Variants in SUPT3H observed in about 807,000 individuals in gnomAD.
SUPT3H encodes the protein transcription initiation protein SPT3 homolog.
In SUPT3H, 44 loss-of-function variants were observed where a neutral mutation model predicts 44.3. That is an observed-to-expected ratio of 0.99 (90% confidence interval 0.78 to 1.28). SUPT3H has a LOEUF of 1.28. Ranked by LOEUF, SUPT3H falls within the 50% of genes most tolerant of loss-of-function variation. The pLI, the probability that SUPT3H is intolerant of heterozygous loss-of-function variation, is 0.00. For missense variants in SUPT3H, 380 were observed against 387.1 expected, an observed-to-expected ratio of 0.98 and a Z score of 0.15; for synonymous variants, 124 against 125.6, an observed-to-expected ratio of 0.99 and a Z score of 0.09.
At chr6:45,363,215 G>A (rs1794570872) in intron 2 of SUPT3H, among the ~76,000 whole-genome samples, 1 of 151,982 alleles carries the variant, frequency 6.6e-6, no homozygotes, top group South Asian at 2.1e-4. Context: ...AATAAGCCTG[G>A]GTATGGTACA....
intron 2 of SUPT3H, among the ~76,000 whole-genome samples, chr6:45,358,476 C>G (rs1160517387): frequency 6.6e-6 from 1 of 152,094 alleles, no homozygotes; most frequent in Non-Finnish European, 1.5e-5. Context: ...AAATTCTTCC[C>G]ATTAAATTGC....
At chr6:45,013,094 T>C (rs1783735518) in intron 5 of SUPT3H, among the ~76,000 whole-genome samples, 1 of 152,238 alleles carries the variant, frequency 6.6e-6, no homozygotes, top group South Asian at 2.1e-4. Context: ...TTTCTGATAA[T>C]ACCCTTGGGC....
chr6:45,317,347 C>T (rs1410662130), intron 2 of SUPT3H, among the ~76,000 whole-genome samples: 3 of 150,468 alleles, frequency 2.0e-5, no homozygotes, highest in Non-Finnish European at 4.4e-5. Context: ...GAAAAAAAAT[C>T]CTAAAATTCA....
At chr6:44,815,582 A>C (rs1766857264) in intron 11 of SUPT3H, among the ~76,000 whole-genome samples, 1 of 152,160 alleles carries the variant, frequency 6.6e-6, no homozygotes, top group African/African-American at 2.4e-5. Context: ...AGGGGTAAAA[A>C]GGAAAATTAA....
intron 2 of SUPT3H, among the ~76,000 whole-genome samples, chr6:45,145,579 T>C (rs1403819948): frequency 6.6e-6 from 1 of 151,938 alleles, no homozygotes; most frequent in Non-Finnish European, 1.5e-5. Flanking sequence ...AAAATAACAT[T>C]AGACAAAGTC....
intron 2 of SUPT3H, among the ~76,000 whole-genome samples, chr6:45,240,943 C>A (rs900204708): frequency 3.9e-5 from 6 of 152,256 alleles, no homozygotes; most frequent in Admixed American, 2.6e-4. Flanking sequence ...TAAAGCATCC[C>A]AGGCACACCT....
At chr6:45,204,072 C>A (rs1262443945) in intron 2 of SUPT3H, among the ~76,000 whole-genome samples, 1 of 152,016 alleles carries the variant, frequency 6.6e-6, no homozygotes, top group Non-Finnish European at 1.5e-5. Flanking sequence ...CATTGTGAAA[C>A]CCCATCTCTA....
intron 2 of SUPT3H, among the ~76,000 whole-genome samples, chr6:45,119,791 T>C (rs1026516745): frequency 2.6e-5 from 4 of 152,170 alleles, no homozygotes; most frequent in Non-Finnish European, 4.4e-5. Flanking sequence ...AAACTTGGTA[T>C]GCATTTGGGG....
chr6:45,065,696 A>C (rs1319094622), intron 3 of SUPT3H, among the ~76,000 whole-genome samples: 1 of 151,236 alleles, frequency 6.6e-6, no homozygotes, highest in East Asian at 1.9e-4. Flanking sequence ...ACGCAAATAA[A>C]CTAGAAAATC....
intron 2 of SUPT3H, among the ~76,000 whole-genome samples, chr6:45,215,722 C>T (rs1348087983): frequency 6.6e-6 from 1 of 151,998 alleles, no homozygotes; most frequent in African/African-American, 2.4e-5. Flanking sequence ...AGCCACATTA[C>T]AGAAGTCCCA....
At chr6:45,183,964 AAG>A (rs946780057) in intron 2 of SUPT3H, among the ~76,000 whole-genome samples, 1 of 152,208 alleles carries the variant, frequency 6.6e-6, no homozygotes, top group African/African-American at 2.4e-5. Flanking sequence ...GGTAGACACA[AAG>A]AATTTTTAGC....
chr6:45,275,765 T>C (rs1160494023), intron 2 of SUPT3H, among the ~76,000 whole-genome samples: 1 of 152,158 alleles, frequency 6.6e-6, no homozygotes, highest in Non-Finnish European at 1.5e-5. Flanking sequence ...TTCTCCACTC[T>C]ATTGTTGCAA....
chr6:44,890,771 A>T (rs894850560), intron 10 of SUPT3H, among the ~76,000 whole-genome samples: 5 of 142,970 alleles, frequency 3.5e-5, no homozygotes, highest in Non-Finnish European at 7.8e-5. Context: ...TAATAATAAT[A>T]AAAAAAAAAG....
At chr6:45,279,536 C>T (rs923771325) in intron 2 of SUPT3H, among the ~76,000 whole-genome samples, 1 of 152,076 alleles carries the variant, frequency 6.6e-6, no homozygotes, top group African/African-American at 2.4e-5. Flanking sequence ...AGCACCTCCC[C>T]CCTTTCTGAA....
At chr6:45,316,216 G>A (rs553431206) in intron 2 of SUPT3H, among the ~76,000 whole-genome samples, 2 of 151,912 alleles carry the variant, frequency 1.3e-5, no homozygotes, top group Non-Finnish European at 2.9e-5. Flanking sequence ...CAACAAATAT[G>A]GTGCAGTGTA....
At chr6:44,895,787 A>G (rs1164477437) in intron 10 of SUPT3H, among the ~76,000 whole-genome samples, 2 of 152,092 alleles carry the variant, frequency 1.3e-5, no homozygotes, top group African/African-American at 4.8e-5. Flanking sequence ...TCAAAAGCAA[A>G]CAATTATTTT....
chr6:45,058,809 C>G (rs916725166), intron 3 of SUPT3H, among the ~76,000 whole-genome samples: 1 of 152,136 alleles, frequency 6.6e-6, no homozygotes, highest in East Asian at 1.9e-4. Context: ...GAACACCTAT[C>G]TGCTCCTTTT....
intron 2 of SUPT3H, among the ~76,000 whole-genome samples, chr6:45,358,314 T>C (rs4711814): frequency 0.11 from 17,225 of 152,234 alleles, 1,372 homozygotes; most frequent in East Asian, 0.26. Context: ...TACAATTCAG[T>C]TGCTCAGCTG....
intron 3 of SUPT3H, among the ~76,000 whole-genome samples, chr6:45,050,052 C>T (rs182814616): frequency 2.0e-5 from 3 of 152,210 alleles, no homozygotes; most frequent in Non-Finnish European, 4.4e-5. Context: ...ACAGGTAAAA[C>T]AGAGCTCCTT....
Sources: allele counts gnomAD v4.1 joint callset (sites outside exome capture counted in the v4.1 genomes callset), GRCh38; gene constraint gnomAD v4.1.1; transcripts MANE v1.5; gene names NCBI Gene and HGNC (gene_info 2026-07-23, HGNC 2026-07-21).